ACIN1: variants seen among roughly 807,000 people sequenced by gnomAD.
The protein encoded by ACIN1 is apoptotic chromatin condensation inducer in the nucleus.
A neutral mutation model predicts 146.6 loss-of-function variants in ACIN1; 16 were observed. That is an observed-to-expected ratio of 0.11 (90% CI 0.07 to 0.17). The LOEUF is 0.17. ACIN1 is among the 10% of genes least tolerant of loss of function. The pLI is 1.00. For synonymous variants in ACIN1, 569 were observed against 582.7 expected, an observed-to-expected ratio of 0.98 and a Z score of 0.34; for missense variants, 1,357 against 1,609.3, an observed-to-expected ratio of 0.84 and a Z score of 2.68.
Position 23,090,210 on chromosome 14 carries a change from T to C in ACIN1, c.317-109A>G, listed in dbSNP as rs1485972085. 1.6e-5 allele frequency: 23 copies of C among 1,425,748 alleles called. No homozygotes were observed. In the Admixed American group the frequency reaches 3.6e-4, roughly 22 times the overall value. The allele number at this position is 1,425,748 out of a possible 1,614,324, so 88.3% of individuals were successfully genotyped here. A position where few individuals can be genotyped will look rare whatever the true frequency, so the allele number is the denominator to read the frequency against. On this transcript the variant is annotated intron_variant, in intron 3 of 18. Coordinates refer to ENST00000605057, the MANE Select transcript of ACIN1 (RefSeq NM_001386863.1). ...GCAAAGTCACAGATACAGAGATACA[T>C]ACCAAAAAGAGCACCGTATAAAAAG...
intron 9 of ACIN1, chr14:23,066,235 A>C: frequency 1.7e-5 from 8 of 477,200 alleles, no homozygotes; most frequent in East Asian, 7.2e-5. Flanking sequence ...AAAACTAAAC[A>C]TCAGAGCAGG....
At chr14:23,069,648 G>GGGGGGGGGGGGGCC in intron 8 of ACIN1, 31 bp from the exon 9 acceptor site, 2 of 589,354 alleles carry the variant, frequency 3.4e-6, no homozygotes, top group Non-Finnish European at 6.4e-6. Context: ...TGGTGGGGGG[G>GGGGGGGGGGGGGCC]CGGGCAGAAA....
intron 1 of ACIN1, 133 bp downstream of exon 1, chr14:23,094,842 G>A (rs1466866879): frequency 3.8e-6 from 5 of 1,315,922 alleles, no homozygotes; most frequent in Admixed American, 4.8e-5. Flanking sequence ...CACCGTGCGC[G>A]CGGATCCAGA....
At chr14:23,072,075 T>C (rs1389008507) in intron 8 of ACIN1, among the ~76,000 whole-genome samples, 1 of 151,436 alleles carries the variant, frequency 6.6e-6, no homozygotes, top group Non-Finnish European at 1.5e-5. Flanking sequence ...GGTAGGGAGG[T>C]GGGATGGGAA....
At position 23,079,389 on chromosome 14, in the gene ACIN1, A is replaced by C. The variant is rs570615047; in HGVS notation, c.1788+158T>G. On this transcript the variant is annotated intron_variant, in intron 6 of 18. Coordinates refer to ENST00000605057, the MANE Select transcript of ACIN1 (RefSeq NM_001386863.1). Reference sequence around the variant, plus strand: ...CCATTTCGGGAATCAGTTAATTGAAAATACGATTCTGAAATGAGGAGAAAG... The same window carrying C: ...CCATTTCGGGAATCAGTTAATTGAACATACGATTCTGAAATGAGGAGAAAG... 2.6e-5 allele frequency among the ~76,000 whole-genome samples: 4 copies of C among 152,350 alleles called. No individual in the cohort carries two copies. In the East Asian group the frequency reaches 7.7e-4, roughly 29 times the overall value.
intron 2 of ACIN1, among the ~76,000 whole-genome samples, chr14:23,091,258 T>C (rs2048219249): frequency 6.6e-6 from 1 of 152,156 alleles, no homozygotes; most frequent in East Asian, 1.9e-4. Context: ...GCTAAATTCC[T>C]AGATTACGTG....
At position 23,081,760 on chromosome 14, in the gene ACIN1, A is replaced by G. The variant is rs867033673; in HGVS notation, c.513T>C (p.Ser171=). 6.2e-6 allele frequency: 10 copies of G among 1,612,712 alleles called. No individual in the cohort carries two copies. The African/African-American group carries it at 6.7e-5, about 11-fold the overall frequency. The part of the protein sequence containing the change: ...EKPRKGERRS[S]RVRQARAAKL... ...GTATCTGAGTTACCTGTCTGACCCT[A>G]GATGATCGTCTTTCTCCTTTCCTTG... The change falls in exon 5 of 19, where the codon TCT becomes TCC. Residue 171 remains serine, a synonymous_variant. Coordinates refer to ENST00000605057, the MANE Select transcript of ACIN1 (RefSeq NM_001386863.1).
rs757957922 is a variant in ACIN1, at chr14:23,078,225, T to C, written c.2049A>G (p.Pro683=). The change falls in exon 8 of 19, where the codon CCA becomes CCG. Residue 683 remains proline (P), a synonymous_variant. Coordinates refer to ENST00000605057, the MANE Select transcript of ACIN1 (RefSeq NM_001386863.1). ...KKCEAEEAEP[P]AATQPQTSET... is the part of the protein sequence containing the mutation. ...CTGAGGTTTGGGGCTGTGTGGCAGC[T>C]GGTGGCTCTGCCTCTTCAGCTTCAC... 28 of 1,614,094 alleles carry C rather than the reference T, an allele frequency of 1.7e-5. No individual in the cohort carries two copies. The highest frequency in any genetic ancestry group is 2.3e-5 in the Non-Finnish European group (27 of 1,180,026).
chr14:23,062,958 T>A lies in ACIN1; in HGVS notation c.2854A>T (p.Ile952Phe). The A allele has an allele frequency of 3.7e-6, 6 of 1,610,912 alleles. No homozygotes were observed. Among genetic ancestry groups the A allele is most frequent in the Non-Finnish European group, 5.1e-6 (6 of 1,179,106 alleles). The change falls in exon 14 of 19, where the codon ATT becomes TTT. Residue 952 changes from isoleucine to phenylalanine, a missense_variant. This residue lies in a region of ACIN1 where 509 missense variants were observed against 719.6 expected (regional missense o/e 0.71). Transcript: ENST00000605057. ...TTGGAGATATGGACAATGTTGCTAA[T>A]CTTGCCCCGGGGTGGGGAGGGCACC... ...AQVPSPPRGK[I>F]SNIVHISNLV... is the part of the protein sequence containing the mutation.
intron 8 of ACIN1, 34 bp from the exon 9 acceptor site, chr14:23,069,651 G>GCCC: frequency 9.5e-7 from 1 of 1,053,612 alleles, no homozygotes; most frequent in Non-Finnish European, 1.4e-6. Flanking sequence ...TGGGGGGGCG[G>GCCC]GCAGAAAAGA....
At chr14:23,059,796 G>GGCGCCC (rs995521353) in intron 18 of ACIN1, among the ~76,000 whole-genome samples, 3 of 151,936 alleles carry the variant, frequency 2.0e-5, no homozygotes, top group Admixed American at 6.6e-5. Context: ...TGGGACCACA[G>GGCGCCC]GCGCCCGCGA....
At position 23,066,122 on chromosome 14, in the gene ACIN1, TGA is replaced by T. The variant is rs901340154; in HGVS notation, c.2266-116_2266-115del. The T allele has an allele frequency of 3.6e-4, 271 of 759,808 alleles. 2 individuals carry two copies. Among genetic ancestry groups the T allele is most frequent in the African/African-American group, 2.5e-3 (135 of 53,672 alleles). The allele number at this position is 759,808 out of a possible 1,614,324, so 47.1% of individuals were successfully genotyped here. A position where few individuals can be genotyped will look rare whatever the true frequency, so the allele number is the denominator to read the frequency against. ...TTAGCCTCCAAAGACACAGATAGAGTGAGAGAGAGAGACAGAGAGAGACACAG... is the reference window on the plus strand; with the variant it reads ...TTAGCCTCCAAAGACACAGATAGAGTGAGAGAGAGACAGAGAGAGACACAG... On this transcript the variant is annotated intron_variant, in intron 9 of 18. Transcript: ENST00000605057.
At chr14:23,093,429 T>G (rs777012162) in intron 2 of ACIN1, 50 bp downstream of exon 2, 5 of 1,536,764 alleles carry the variant, frequency 3.3e-6, no homozygotes, top group Non-Finnish European at 2.7e-6. Flanking sequence ...TCCTTCCATG[T>G]GTCTGGATAT....
At chr14:23,095,363 C>T (rs1415939917), upstream of ACIN1, 2 of 1,503,692 alleles carry the variant, frequency 1.3e-6, no homozygotes, top group Admixed American at 2.0e-5. Flanking sequence ...TTTTCTTCGT[C>T]TTGCCGAAGC....
At chr14:23,082,241 CCTATTA>C (rs1429985129) in intron 4 of ACIN1, among the ~76,000 whole-genome samples, 1 of 151,870 alleles carries the variant, frequency 6.6e-6, no homozygotes, top group Non-Finnish European at 1.5e-5. Context: ...TTTTGGATTG[CCTATTA>C]CTACTACTTT....
At chr14:23,095,443 G>T, upstream of ACIN1, 1 of 1,088,336 alleles carries the variant, frequency 9.2e-7, no homozygotes, top group African/African-American at 1.6e-5. Context: ...GTTTATTTCC[G>T]GACCTAGAGA....
At chr14:23,069,648 G>GGGGC in intron 8 of ACIN1, 31 bp from the exon 9 acceptor site, 28 of 589,338 alleles carry the variant, frequency 4.8e-5, no homozygotes, top group Non-Finnish European at 8.0e-5. Flanking sequence ...TGGTGGGGGG[G>GGGGC]CGGGCAGAAA....
chr14:23,092,587 A>G (rs932891398), intron 2 of ACIN1, among the ~76,000 whole-genome samples: 4 of 152,228 alleles, frequency 2.6e-5, no homozygotes, highest in Admixed American at 2.6e-4. Context: ...CTGAGACTTC[A>G]TCTAGTACTG....
Position 23,093,987 on chromosome 14 carries a change from T to A in ACIN1, c.139-443A>T, listed in dbSNP as rs147349113. Among the ~76,000 whole-genome samples, 33 of 151,990 alleles carry A rather than the reference T, an allele frequency of 2.2e-4. No individual in the cohort carries two copies. In the East Asian group the frequency reaches 4.6e-3, roughly 21 times the overall value. The stretch of plus-strand genomic sequence containing the variant: ...AGGGTTACCCAGTACCAGGGTCAAT[T>A]TGTATAATTTCCAGTACTGTGGCAC... On this transcript the variant is annotated intron_variant, in intron 1 of 18. Transcript: ENST00000605057.
Sources: allele counts gnomAD v4.1 joint callset (sites outside exome capture counted in the v4.1 genomes callset), GRCh38; gene constraint gnomAD v4.1.1; regional missense constraint gnomAD v4.1.1; transcripts MANE v1.5; gene names NCBI Gene and HGNC (gene_info 2026-07-23, HGNC 2026-07-21).